RGS7BP: variants seen among roughly 807,000 people sequenced by gnomAD.
RGS7BP encodes the protein regulator of G protein signaling 7-binding protein.
A neutral mutation model predicts 31.3 loss-of-function variants in RGS7BP; 9 were observed. That is an observed-to-expected ratio of 0.29 (90% confidence interval 0.17 to 0.50). RGS7BP has a LOEUF of 0.50. Ranked by LOEUF, RGS7BP falls within the 20% of genes least tolerant of loss-of-function variation. The pLI, the probability that RGS7BP is intolerant of heterozygous loss-of-function variation, is 0.98. For synonymous variants in RGS7BP, 115 were observed against 120.1 expected (o/e 0.96, Z 0.28); for missense variants, 274 against 322.0 (o/e 0.85, Z 1.14).
At chr5:64,554,215 A>G (rs1741867457) in intron 2 of RGS7BP, among the ~76,000 whole-genome samples, 1 of 152,088 alleles carries the variant, frequency 6.6e-6, no homozygotes, top group Non-Finnish European at 1.5e-5. Flanking sequence ...CCTCTCTATA[A>G]GGTTATTTTG....
chr5:64,592,524 T>A (rs1742946402), intron 3 of RGS7BP, among the ~76,000 whole-genome samples: 1 of 152,124 alleles, frequency 6.6e-6, no homozygotes, highest in Admixed American at 6.6e-5. Context: ...CTAGATCCCA[T>A]TTATGGCTTT....
Position 64,541,979 on chromosome 5 carries a change from T to C in RGS7BP, c.333-33795T>C, listed in dbSNP as rs1023436982. ...TTTTTTTACGATTTTTCCATCTTAT[T>C]TTTTGTTCTAGTATATAATCTGAGG... On this transcript the variant is annotated intron_variant, in intron 2 of 5. Transcript: ENST00000334025. 7.2e-5 allele frequency among the ~76,000 whole-genome samples: 11 copies of C among 152,314 alleles called. 1 individual carries two copies. Among genetic ancestry groups the C allele is most frequent in the African/African-American group, 2.6e-4 (11 of 41,578 alleles).
At chr5:64,573,533 G>A (rs1329438267) in intron 2 of RGS7BP, 3 of 145,744 alleles carry the variant, frequency 2.1e-5, no homozygotes, top group Admixed American at 2.0e-4. Flanking sequence ...ATTTTTAAAA[G>A]GTTTTAAAGG....
At chr5:64,588,776 AT>A (rs1742827809) in intron 3 of RGS7BP, among the ~76,000 whole-genome samples, 1 of 152,122 alleles carries the variant, frequency 6.6e-6, no homozygotes, top group Non-Finnish European at 1.5e-5. Context: ...TTCTCCCAGA[AT>A]TCAGCCCAAA....
At chr5:64,555,039 T>C (rs1307668922) in intron 2 of RGS7BP, among the ~76,000 whole-genome samples, 1 of 152,032 alleles carries the variant, frequency 6.6e-6, no homozygotes, top group South Asian at 2.1e-4. Context: ...TAAGAAGACA[T>C]GAAGACCAGA....
chr5:64,569,436 C>A (rs1742254169), intron 2 of RGS7BP, among the ~76,000 whole-genome samples: 1 of 151,990 alleles, frequency 6.6e-6, no homozygotes, highest in Non-Finnish European at 1.5e-5. Context: ...TTCTATTTTT[C>A]TGATTAACTG....
At chr5:64,576,658 G>C (rs560319465) in intron 3 of RGS7BP, among the ~76,000 whole-genome samples, 1 of 152,208 alleles carries the variant, frequency 6.6e-6, no homozygotes, top group South Asian at 2.1e-4. Context: ...TGTAGATAGC[G>C]GGGAGGAATT....
chr5:64,539,847 C>A (rs554206752), intron 2 of RGS7BP: 1 of 151,920 alleles, frequency 6.6e-6, no homozygotes, highest in Non-Finnish European at 1.5e-5. Flanking sequence ...GTTTGTGAAC[C>A]CTTTTGAGCT....
chr5:64,575,925 C>T (rs761724697), intron 3 of RGS7BP, 21 bp downstream of exon 3: 15 of 1,597,330 alleles, frequency 9.4e-6, no homozygotes, highest in East Asian at 4.5e-5. Flanking sequence ...TTAATATTGC[C>T]GGAAACACTG....
intron 5 of RGS7BP, among the ~76,000 whole-genome samples, chr5:64,600,916 G>T (rs916534897): frequency 1.5e-4 from 23 of 152,148 alleles, no homozygotes; most frequent in African/African-American, 5.6e-4. Context: ...GATGCATATG[G>T]CACCATTTTA....
In RGS7BP at chr5:64,506,480, G is replaced by C; in HGVS notation, c.-145G>C. The C allele has an allele frequency of 1.8e-6, 1 of 568,404 alleles. No individual in the cohort carries two copies. Among genetic ancestry groups the C allele is most frequent in the Non-Finnish European group, 3.0e-6 (1 of 337,492 alleles). The allele number at this position is 568,404 out of a possible 1,614,324, so 35.2% of individuals were successfully genotyped here. ...GCTCTCCTTCAAGCTGAAGGTTACCGACCCGCGCAGCCAGCCCCAGCACTG... is the reference window on the plus strand; with the variant it reads ...GCTCTCCTTCAAGCTGAAGGTTACCCACCCGCGCAGCCAGCCCCAGCACTG... On this transcript the variant is annotated 5_prime_UTR_variant, in exon 1 of 6. Transcript: ENST00000334025. The surrounding 1 kb of genome is among the most constrained non-coding windows in gnomAD (Gnocchi z 4.6).
intron 2 of RGS7BP, among the ~76,000 whole-genome samples, chr5:64,534,983 G>T (rs1749468433): frequency 6.6e-6 from 1 of 152,164 alleles, no homozygotes; most frequent in African/African-American, 2.4e-5. Context: ...GGGTGATAGG[G>T]CCCTGGGTGT....
At chr5:64,570,329 T>C (rs1294430275) in intron 2 of RGS7BP, among the ~76,000 whole-genome samples, 1 of 152,130 alleles carries the variant, frequency 6.6e-6, no homozygotes, top group Non-Finnish European at 1.5e-5. Context: ...AGATACTTCA[T>C]ATAGGTGTTA....
chr5:64,564,455 T>C (rs1486999486), intron 2 of RGS7BP, among the ~76,000 whole-genome samples: 8 of 152,198 alleles, frequency 5.3e-5, no homozygotes, highest in Non-Finnish European at 1.0e-4. Flanking sequence ...ATTTGGGCTC[T>C]TGTTTGTTGA....
intron 2 of RGS7BP, among the ~76,000 whole-genome samples, chr5:64,535,968 G>C (rs272633): frequency 0.24 from 36,429 of 152,120 alleles, 5,024 homozygotes; most frequent in South Asian, 0.37. Flanking sequence ...ACAAGCCCTT[G>C]GGGGTACAAT....
At chr5:64,517,566 A>G (rs1391033034) in intron 2 of RGS7BP, among the ~76,000 whole-genome samples, 1 of 152,164 alleles carries the variant, frequency 6.6e-6, no homozygotes, top group Non-Finnish European at 1.5e-5. Flanking sequence ...GTAAATCCAT[A>G]CTTGTTAACC....
At chr5:64,544,903 G>T (rs546781067) in intron 2 of RGS7BP, among the ~76,000 whole-genome samples, 1 of 152,084 alleles carries the variant, frequency 6.6e-6, no homozygotes, top group East Asian at 1.9e-4. Context: ...TTGGCCGGGC[G>T]TGGTGGCTCA....
intron 2 of RGS7BP, among the ~76,000 whole-genome samples, chr5:64,535,228 C>G (rs771567972): frequency 2.0e-5 from 3 of 152,166 alleles, no homozygotes; most frequent in Non-Finnish European, 4.4e-5. Flanking sequence ...AGAGCTTCTG[C>G]TCTTCATGGA....
At chr5:64,537,815 T>G (rs1405723853) in intron 2 of RGS7BP, among the ~76,000 whole-genome samples, 2 of 152,202 alleles carry the variant, frequency 1.3e-5, no homozygotes, top group African/African-American at 4.8e-5. Context: ...TCTGCTATGC[T>G]GCTAAAAGCA....
Sources: allele counts gnomAD v4.1 joint callset (sites outside exome capture counted in the v4.1 genomes callset), GRCh38; gene constraint gnomAD v4.1.1; non-coding constraint Gnocchi (gnomAD v3.1); transcripts MANE v1.5; gene names NCBI Gene and HGNC (gene_info 2026-07-23, HGNC 2026-07-21).